P3H2: variants seen among roughly 807,000 people sequenced by gnomAD.
P3H2 encodes leprecan-like 1.
P3H2 carries 80 observed loss-of-function variants against 87.0 expected under a neutral mutation model. That is an observed-to-expected ratio of 0.92 (90% CI 0.77 to 1.11). The LOEUF (loss-of-function observed/expected upper bound fraction) is 1.11. Among genes scored for constraint, P3H2 ranks in the 50% least tolerant of loss-of-function variants. The probability of loss-of-function intolerance (pLI) is 0.00; values close to 1 mark genes in which losing one functional copy is unlikely to be tolerated. For missense variants in P3H2, 1,001 were observed against 923.9 expected (o/e 1.08, Z -1.08); for synonymous variants, 367 against 359.3 (o/e 1.02, Z -0.24).
rs906197527 is a variant in P3H2 at position 189,969,478 on chromosome 3, A to G, written c.1893+1338T>C. ...GGCACACTCCTCTAGCACAACAATG[A>G]CTTCCATCATAGAGGGACTGAGGTC... is the stretch of plus-strand genomic sequence containing the variant. On this transcript the variant is annotated intron_variant, in intron 13 of 14. Coordinates refer to ENST00000319332, the MANE Select transcript of P3H2 (RefSeq NM_018192.4). 6 of 929,628 alleles carry G rather than the reference A, an allele frequency of 6.5e-6. No homozygotes were observed. In the African/African-American group the frequency reaches 9.7e-5, roughly 15 times the overall value. The allele number at this position is 929,628 out of a possible 1,614,324, so 57.6% of individuals were successfully genotyped here. A position where few individuals can be genotyped will look rare whatever the true frequency, so the allele number is the denominator to read the frequency against.
intron 1 of P3H2, among the ~76,000 whole-genome samples, chr3:190,118,938 C>T (rs35469101): frequency 0.022 from 3,388 of 151,422 alleles, 75 homozygotes; most frequent in African/African-American, 0.048. Context: ...ACTAAAAATA[C>T]ACAAACACAC....
intron 1 of P3H2, among the ~76,000 whole-genome samples, chr3:190,108,952 T>C (rs1214057674): frequency 2.0e-5 from 3 of 152,246 alleles, no homozygotes; most frequent in African/African-American, 7.2e-5. Context: ...CTGAAGAAGC[T>C]GATTAACTCT....
chr3:190,120,972 G>C (rs1560027410), upstream of P3H2: 1 of 545,328 alleles, frequency 1.8e-6, no homozygotes, highest in Non-Finnish European at 3.0e-6. Context: ...CTGAGACTCC[G>C]AGAGCCGCTC....
At chr3:189,974,182 T>C in intron 9 of P3H2, 178 bp from the exon 10 acceptor site, 1 of 625,142 alleles carries the variant, frequency 1.6e-6, no homozygotes, top group East Asian at 2.8e-5. Flanking sequence ...TTATTTAATC[T>C]TCATTCTACA....
rs540780456 is a variant in P3H2 at position 190,023,265 on chromosome 3, G to A, written c.481-27823C>T. On this transcript the variant is annotated intron_variant, in intron 1 of 14. Transcript: ENST00000319332. ...CTTACTCAATTGCCGTTTTGGGAAT[G>A]GAGGTAAAGTACTGGCAGGTGATTC... Among the ~76,000 whole-genome samples, 59 of 152,316 alleles carry A rather than the reference G, an allele frequency of 3.9e-4. No individual in the cohort carries two copies. In the South Asian group the frequency reaches 7.2e-3, roughly 19 times the overall value.
chr3:189,980,031 T>A (rs1374229040), intron 8 of P3H2, among the ~76,000 whole-genome samples: 1 of 152,082 alleles, frequency 6.6e-6, no homozygotes, highest in Non-Finnish European at 1.5e-5. Context: ...GACAGCAATG[T>A]TTTTTAGTGA....
intron 4 of P3H2, chr3:189,987,884 A>G (rs2108919449): frequency 1.7e-6 from 1 of 577,714 alleles, no homozygotes; most frequent in Non-Finnish European, 3.1e-6. Flanking sequence ...CTGCTTTGGT[A>G]CTAGTTGTTT....
intron 1 of P3H2, among the ~76,000 whole-genome samples, chr3:190,105,056 C>A (rs980516573): frequency 2.0e-5 from 3 of 152,164 alleles, no homozygotes; most frequent in Non-Finnish European, 4.4e-5. Context: ...TCTGTGAGTA[C>A]AAGAGAAATT....
At chr3:190,008,300 C>T (rs1404701466) in intron 1 of P3H2, among the ~76,000 whole-genome samples, 1 of 152,112 alleles carries the variant, frequency 6.6e-6, no homozygotes, top group Admixed American at 6.6e-5. Flanking sequence ...CATTTTTAAT[C>T]AGTGCATATA....
At chr3:190,029,123 A>C (rs989708440) in intron 1 of P3H2, among the ~76,000 whole-genome samples, 1 of 152,204 alleles carries the variant, frequency 6.6e-6, no homozygotes, top group Non-Finnish European at 1.5e-5. Flanking sequence ...ATTATCTCTT[A>C]AGAGTTCGAG....
At chr3:190,091,644 G>A (rs1199162481) in intron 1 of P3H2, among the ~76,000 whole-genome samples, 1 of 152,238 alleles carries the variant, frequency 6.6e-6, no homozygotes, top group Non-Finnish European at 1.5e-5. Flanking sequence ...AACAAATAGA[G>A]TACCTGATAA....
At chr3:190,005,493 A>G (rs1482391148) in intron 1 of P3H2, among the ~76,000 whole-genome samples, 1 of 152,216 alleles carries the variant, frequency 6.6e-6, no homozygotes, top group Non-Finnish European at 1.5e-5. Context: ...AAATTCTGTC[A>G]TTATAATTTC....
chr3:190,111,919 G>C (rs1021226015), intron 1 of P3H2, among the ~76,000 whole-genome samples: 1 of 152,248 alleles, frequency 6.6e-6, no homozygotes, highest in African/African-American at 2.4e-5. Context: ...CATGGAAGAT[G>C]CTCAGAGAGA....
chr3:190,067,613 C>T (rs1364059231), intron 1 of P3H2, among the ~76,000 whole-genome samples: 1 of 152,128 alleles, frequency 6.6e-6, no homozygotes, highest in Admixed American at 6.5e-5. Context: ...ATCTCCTCTT[C>T]ACCTCCCCTC....
chr3:189,957,120 G>A lies in P3H2; in HGVS notation c.*792C>T, dbSNP rs370808482. On this transcript the variant is annotated 3_prime_UTR_variant, in exon 15 of 15. Coordinates refer to ENST00000319332, the MANE Select transcript of P3H2 (RefSeq NM_018192.4). ...CACCAGAGCCAAAAATTCCACCAAGGCCCTGGAAAGACTGAAGTCCCCTCT... is the reference window on the plus strand; with the variant it reads ...CACCAGAGCCAAAAATTCCACCAAGACCCTGGAAAGACTGAAGTCCCCTCT... 12 of 398,356 alleles carry A rather than the reference G, an allele frequency of 3.0e-5. No individual in the cohort carries two copies. The highest frequency in any genetic ancestry group is 2.3e-4 in the African/African-American group (11 of 48,564). 24.7% of individuals were successfully genotyped at this position (398,356 alleles called of 1,614,324 possible). A position where few individuals can be genotyped will look rare whatever the true frequency, so the allele number is the denominator to read the frequency against.
intron 1 of P3H2, among the ~76,000 whole-genome samples, chr3:190,010,379 AT>A (rs1724548197): frequency 2.0e-5 from 3 of 152,200 alleles, no homozygotes; most frequent in African/African-American, 7.2e-5. Context: ...AACAACTAGT[AT>A]TTTAGAATAT....
intron 14 of P3H2, 44 bp from the exon 15 acceptor site, chr3:189,958,048 A>G (rs1298594511): frequency 7.2e-6 from 10 of 1,382,262 alleles, no homozygotes; most frequent in Non-Finnish European, 1.0e-5. Flanking sequence ...AAGCATAATA[A>G]TCAGTCTCAT....
chr3:190,099,490 C>G (rs1465378649), intron 1 of P3H2, among the ~76,000 whole-genome samples: 1 of 152,158 alleles, frequency 6.6e-6, no homozygotes, highest in Non-Finnish European at 1.5e-5. Context: ...AAGGTTTTAT[C>G]AGCAGAAACT....
chr3:190,052,191 T>G (rs1319190894), intron 1 of P3H2, among the ~76,000 whole-genome samples: 1 of 152,158 alleles, frequency 6.6e-6, no homozygotes, highest in Non-Finnish European at 1.5e-5. Context: ...TCATTCAGGT[T>G]CTAAGTCCCG....
Sources: gnomAD v4.1 joint callset for allele counts (sites outside exome capture counted in the v4.1 genomes callset) on GRCh38, gnomAD v4.1.1 for gene constraint, MANE v1.5 for transcripts, NCBI Gene and HGNC (gene_info 2026-07-23, HGNC 2026-07-21) for gene names.